NXPE2: variants seen among roughly 807,000 people sequenced by gnomAD.
The protein encoded by NXPE2 is NXPE family member 2.
NXPE2 carries 34 observed loss-of-function variants against 34.4 expected under a neutral mutation model. That is an observed-to-expected ratio of 0.99 (90% CI 0.75 to 1.31). The LOEUF is 1.31. NXPE2 is among the 40% of genes most tolerant of loss of function. NXPE2 has a pLI of 0.00. For synonymous variants in NXPE2, 235 were observed against 231.3 expected, an observed-to-expected ratio of 1.02 and a Z score of -0.15; for missense variants, 649 against 672.5, an observed-to-expected ratio of 0.97 and a Z score of 0.39.
At chr11:114,523,001 A>G in the NXPE2 span, 1 of 1,613,700 alleles carries the variant, frequency 6.2e-7, no homozygotes, top group African/African-American at 1.3e-5. Context: ...CTGGTTGCAA[A>G]ATGTTGTTAT....
chr11:114,755,505 G>C, the NXPE2 span, among the ~76,000 whole-genome samples: 7 of 152,066 alleles, frequency 4.6e-5, no homozygotes, highest in African/African-American at 7.2e-5. Flanking sequence ...TCTTCTCTCT[G>C]CCAGGAGACC....
chr11:114,703,370 A>G (rs533931203), intron 3 of NXPE2, among the ~76,000 whole-genome samples: 134 of 152,378 alleles, frequency 8.8e-4, no homozygotes, highest in South Asian at 6.2e-3. Flanking sequence ...GGGTTCTCAA[A>G]GTAATGTCCG....
At chr11:114,798,135 T>C in the NXPE2 span, among the ~76,000 whole-genome samples, 4 of 152,226 alleles carry the variant, frequency 2.6e-5, no homozygotes, top group African/African-American at 9.6e-5. Context: ...AACATACATT[T>C]GTGTTTTAAT....
At chr11:114,490,945 G>C in the NXPE2 span, among the ~76,000 whole-genome samples, 3 of 151,520 alleles carry the variant, frequency 2.0e-5, no homozygotes, top group African/African-American at 4.9e-5. Flanking sequence ...GGTGGATCAT[G>C]AGGTCAGGAG....
chr11:114,811,287 TAACA>T, the NXPE2 span, among the ~76,000 whole-genome samples: 1 of 151,840 alleles, frequency 6.6e-6, no homozygotes, highest in African/African-American at 2.4e-5. Context: ...TATACATATG[TAACA>T]AACCTGCACG....
At chr11:114,549,679 G>A in the NXPE2 span, among the ~76,000 whole-genome samples, 2 of 152,036 alleles carry the variant, frequency 1.3e-5, no homozygotes. Context: ...AACAAGACAA[G>A]GATGCCTACT....
chr11:114,697,127 T>A (rs1951272850), intron 2 of NXPE2, among the ~76,000 whole-genome samples: 1 of 152,164 alleles, frequency 6.6e-6, no homozygotes. Context: ...GTAACTAAAA[T>A]CATGAATAAG....
intron 1 of NXPE2, 129 bp downstream of exon 1, chr11:114,678,730 G>T: frequency 3.0e-6 from 2 of 656,244 alleles, no homozygotes; most frequent in Admixed American, 3.0e-5. Flanking sequence ...TTTTATTTGG[G>T]CATAAAAATA....
chr11:114,714,411 G>GGC, the NXPE2 span, among the ~76,000 whole-genome samples: 12 of 152,178 alleles, frequency 7.9e-5, no homozygotes, highest in African/African-American at 2.7e-4. Flanking sequence ...GATGGCTTTA[G>GGC]TCCTCTATAG....
At chr11:114,601,967 A>G in the NXPE2 span, among the ~76,000 whole-genome samples, 15,662 of 81,756 alleles carry the variant, frequency 0.19, 1,695 homozygotes, top group African/African-American at 0.29. Context: ...ATTATATATT[A>G]TATATTCTGT....
chr11:114,619,569 G>A, the NXPE2 span, among the ~76,000 whole-genome samples: 10 of 148,872 alleles, frequency 6.7e-5, no homozygotes, highest in African/African-American at 2.5e-4. Flanking sequence ...GTTACCTGGT[G>A]GATAATGTGT....
At position 114,707,057 on chromosome 11, in the gene NXPE2, A is replaced by G; in HGVS notation, c.*127A>G. 1.5e-6 allele frequency: 1 copy of G among 678,388 alleles called. No homozygotes were observed. The highest frequency in any genetic ancestry group is 2.4e-6 in the Non-Finnish European group (1 of 411,766). 42.0% of individuals were successfully genotyped at this position (678,388 alleles called of 1,614,324 possible). Reference sequence around the variant, plus strand: ...AAAAAGTTCTATTAAAGTTAAATATATGTAACATAACATTTACCATTTAAG... The same window carrying G: ...AAAAAGTTCTATTAAAGTTAAATATGTGTAACATAACATTTACCATTTAAG... On this transcript the variant is annotated 3_prime_UTR_variant, in exon 6 of 6. Transcript: ENST00000389586.
chr11:114,590,786 T>A, the NXPE2 span, among the ~76,000 whole-genome samples: 1 of 152,238 alleles, frequency 6.6e-6, no homozygotes, highest in Non-Finnish European at 1.5e-5. Flanking sequence ...CTACTGGTAC[T>A]GGAGGTCATC....
upstream of NXPE2, among the ~76,000 whole-genome samples, chr11:114,677,982 T>A (rs1950877451): frequency 6.6e-6 from 1 of 152,062 alleles, no homozygotes; most frequent in Non-Finnish European, 1.5e-5. Context: ...CAAGTTGCAG[T>A]GAGATTTAGA....
the NXPE2 span, among the ~76,000 whole-genome samples, chr11:114,486,083 T>C: frequency 6.6e-6 from 1 of 152,206 alleles, no homozygotes; most frequent in Non-Finnish European, 1.5e-5. Flanking sequence ...TTCTTCATAG[T>C]GGTTGTACTA....
At chr11:114,804,792 C>T in the NXPE2 span, among the ~76,000 whole-genome samples, 1,074 of 152,214 alleles carry the variant, frequency 7.1e-3, 9 homozygotes, top group African/African-American at 0.023. Flanking sequence ...GAAAATGCCC[C>T]AGACCTGAGA....
the NXPE2 span, among the ~76,000 whole-genome samples, chr11:114,635,847 T>C: frequency 1.3e-5 from 2 of 152,218 alleles, no homozygotes; most frequent in African/African-American, 2.4e-5. Flanking sequence ...CTTTTTGATG[T>C]GTTGCTGTAT....
At chr11:114,593,987 T>A in the NXPE2 span, among the ~76,000 whole-genome samples, 1 of 151,952 alleles carries the variant, frequency 6.6e-6, no homozygotes, top group African/African-American at 2.4e-5. Context: ...ATTGAAGTCA[T>A]GGAGTTAGAG....
the NXPE2 span, among the ~76,000 whole-genome samples, chr11:114,479,883 G>A: frequency 1.7e-3 from 264 of 152,278 alleles, 1 homozygote; most frequent in African/African-American, 6.1e-3. Context: ...GAGGACATCC[G>A]CTTCTGACGA....
Sources: gnomAD v4.1 joint callset for allele counts (sites outside exome capture counted in the v4.1 genomes callset) on GRCh38, gnomAD v4.1.1 for gene constraint, MANE v1.5 for transcripts, NCBI Gene and HGNC (gene_info 2026-07-23, HGNC 2026-07-21) for gene names.